DLEU7: variants seen among roughly 807,000 people sequenced by gnomAD.
The protein encoded by DLEU7 is deleted in lymphocytic leukemia 7, also known as leukemia-associated protein 7.
DLEU7 carries 17 observed loss-of-function variants against 16.0 expected under a neutral mutation model. That is an observed-to-expected ratio of 1.06 (90% confidence interval 0.73 to 1.59). The LOEUF is 1.59. DLEU7 is among the 40% of genes most tolerant of loss of function. DLEU7 has a pLI of 0.00. For missense variants in DLEU7, 308 were observed against 314.9 expected (o/e 0.98, Z 0.17); for synonymous variants, 113 against 139.8 (o/e 0.81, Z 1.35).
chr13:50,750,493 G>C (rs553198987), intron 1 of DLEU7, among the ~76,000 whole-genome samples: 1 of 152,206 alleles, frequency 6.6e-6, no homozygotes, highest in Admixed American at 6.5e-5. Context: ...TATTTTGGTG[G>C]AGATTGTGTT....
chr13:50,751,946 C>T (rs921432972), intron 1 of DLEU7, among the ~76,000 whole-genome samples: 3 of 151,452 alleles, frequency 2.0e-5, no homozygotes, highest in African/African-American at 7.3e-5. Flanking sequence ...TTTAGTTCTG[C>T]TCTGATCTTG....
intron 1 of DLEU7, among the ~76,000 whole-genome samples, chr13:50,761,559 T>A (rs989120562): frequency 6.6e-6 from 1 of 152,072 alleles, no homozygotes; most frequent in Admixed American, 6.5e-5. Flanking sequence ...ACAGTGTGGA[T>A]CACATGGCCT....
At chr13:50,802,730 C>A (rs749061569) in intron 1 of DLEU7, among the ~76,000 whole-genome samples, 1 of 152,160 alleles carries the variant, frequency 6.6e-6, no homozygotes, top group Non-Finnish European at 1.5e-5. Flanking sequence ...GTCACTGAGA[C>A]AACCAGTTCT....
At chr13:50,781,448 A>G (rs557719972) in intron 1 of DLEU7, among the ~76,000 whole-genome samples, 177 of 152,238 alleles carry the variant, frequency 1.2e-3, no homozygotes, top group African/African-American at 4.1e-3. Context: ...ATAGTTTTGA[A>G]CTCCTGGACC....
chr13:50,713,931 C>T (rs981710471), intron 1 of DLEU7, among the ~76,000 whole-genome samples: 19 of 152,222 alleles, frequency 1.2e-4, no homozygotes, highest in African/African-American at 4.1e-4. Context: ...TGTGGCCTCC[C>T]GGACCGGGCA....
chr13:50,745,051 G>A (rs1874355808), intron 1 of DLEU7, among the ~76,000 whole-genome samples: 1 of 152,150 alleles, frequency 6.6e-6, no homozygotes. Context: ...ATATGACCCA[G>A]TAATTTCACT....
chr13:50,839,531 C>T (rs1401681740), intron 1 of DLEU7, among the ~76,000 whole-genome samples: 2 of 152,108 alleles, frequency 1.3e-5, no homozygotes, highest in African/African-American at 2.4e-5. Flanking sequence ...GATTTCACTG[C>T]CTTAACCTTC....
chr13:50,783,892 A>G (rs1048426187), intron 1 of DLEU7, among the ~76,000 whole-genome samples: 6 of 152,100 alleles, frequency 3.9e-5, no homozygotes, highest in Non-Finnish European at 7.4e-5. Flanking sequence ...GAACACATAT[A>G]GAGATATGGC....
intron 1 of DLEU7, among the ~76,000 whole-genome samples, chr13:50,784,647 G>A (rs1209006391): frequency 3.3e-5 from 5 of 152,134 alleles, no homozygotes; most frequent in East Asian, 1.9e-4. Context: ...TTGCATGGCC[G>A]CTGCATTTGA....
intron 1 of DLEU7, among the ~76,000 whole-genome samples, chr13:50,791,721 C>T (rs1875964408): frequency 6.6e-6 from 1 of 152,082 alleles, no homozygotes; most frequent in Admixed American, 6.6e-5. Context: ...ATGTAAACAT[C>T]TATTTAAAAT....
At chr13:50,712,291 T>C (rs937600750) in exon 2 of DLEU7, 3 of 152,226 alleles carry the variant, frequency 2.0e-5, no homozygotes, top group Non-Finnish European at 4.4e-5. Flanking sequence ...AGTAGGACTT[T>C]AAGCAGATAT....
intron 1 of DLEU7, among the ~76,000 whole-genome samples, chr13:50,794,140 T>C (rs7327903): frequency 0.43 from 65,728 of 151,964 alleles, 14,654 homozygotes; most frequent in African/African-American, 0.55. Flanking sequence ...TTTACTTGCT[T>C]ATTGTTTACA....
chr13:50,737,987 A>C (rs937257826), intron 1 of DLEU7, among the ~76,000 whole-genome samples: 4 of 152,158 alleles, frequency 2.6e-5, no homozygotes, highest in African/African-American at 7.2e-5. Flanking sequence ...TACTCCAGTA[A>C]ACACACGAAT....
At chr13:50,720,842 C>G (rs1049738811) in intron 1 of DLEU7, among the ~76,000 whole-genome samples, 4 of 151,956 alleles carry the variant, frequency 2.6e-5, no homozygotes, top group African/African-American at 9.7e-5. Flanking sequence ...AACTTAATAT[C>G]AAAGACAGGA....
intron 1 of DLEU7, among the ~76,000 whole-genome samples, chr13:50,732,928 G>GA (rs1348736052): frequency 6.6e-6 from 1 of 152,146 alleles, no homozygotes; most frequent in Non-Finnish European, 1.5e-5. Flanking sequence ...CTGTGGACCA[G>GA]AAAAAACATC....
At chr13:50,841,820 A>C (rs938019238) in intron 1 of DLEU7, among the ~76,000 whole-genome samples, 1 of 152,174 alleles carries the variant, frequency 6.6e-6, no homozygotes, top group Non-Finnish European at 1.5e-5. Context: ...AGGATTAAAA[A>C]AAATTTTGGT....
chr13:50,804,846 T>C (rs1454400608), intron 1 of DLEU7, among the ~76,000 whole-genome samples: 1 of 151,178 alleles, frequency 6.6e-6, no homozygotes, highest in Non-Finnish European at 1.5e-5. Flanking sequence ...CTATTATGCC[T>C]TTTTTATTTT....
intron 1 of DLEU7, among the ~76,000 whole-genome samples, chr13:50,774,236 A>G (rs1593390901): frequency 6.6e-6 from 1 of 151,872 alleles, no homozygotes; most frequent in Non-Finnish European, 1.5e-5. Flanking sequence ...GTGAAGTGAT[A>G]CCCCACTCTG....
At chr13:50,764,570 T>C (rs1875043272) in intron 1 of DLEU7, among the ~76,000 whole-genome samples, 2 of 152,250 alleles carry the variant, frequency 1.3e-5, no homozygotes, top group South Asian at 4.1e-4. Context: ...CTTAAAACAC[T>C]TATCTATGAA....
Sources: allele counts gnomAD v4.1 joint callset (sites outside exome capture counted in the v4.1 genomes callset), GRCh38; gene constraint gnomAD v4.1.1; transcripts MANE v1.5; gene names NCBI Gene and HGNC (gene_info 2026-07-23, HGNC 2026-07-21).